Variants in CACNG4 observed in about 807,000 individuals in gnomAD.
CACNG4 encodes the protein calcium voltage-gated channel auxiliary subunit gamma 4.
CACNG4 carries 8 observed loss-of-function variants against 22.9 expected under a neutral mutation model. The ratio of observed to expected loss-of-function variants is 0.35; its 90% CI spans 0.21 to 0.63. The LOEUF is 0.63. Among genes scored for constraint, CACNG4 ranks in the 30% least tolerant of loss-of-function variants. The pLI is 0.72. For missense variants in CACNG4, 357 were observed against 455.4 expected, an observed-to-expected ratio of 0.78 and a Z score of 1.97; for synonymous variants, 188 against 191.9, an observed-to-expected ratio of 0.98 and a Z score of 0.17.
Position 67,009,042 on chromosome 17 carries a change from A to T in CACNG4, c.221-9147A>T, listed in dbSNP as rs189615788. Among the ~76,000 whole-genome samples, 207 of 152,280 alleles carry T rather than the reference A, an allele frequency of 1.4e-3. 3 individuals carry two copies. Among genetic ancestry groups the T allele is most frequent in the Admixed American group, 0.013 (199 of 15,298 alleles). ...GAACTTTGGACATAGACACATGCACACAGAGAGAATATGATATGAAGAGAA... is the reference window on the plus strand; with the variant it reads ...GAACTTTGGACATAGACACATGCACTCAGAGAGAATATGATATGAAGAGAA... On this transcript the variant is annotated intron_variant, in intron 1 of 3. Transcript: ENST00000262138.
intron 1 of CACNG4, among the ~76,000 whole-genome samples, chr17:66,973,285 G>A (rs573290611): frequency 1.4e-4 from 21 of 151,138 alleles, no homozygotes; most frequent in African/African-American, 4.1e-4. Flanking sequence ...TGGGGGAAGC[G>A]ATCCTATCAA....
chr17:67,030,737 G>A lies in CACNG4; in HGVS notation c.717G>A (p.Arg239=), dbSNP rs267605007. 1.9e-6 allele frequency: 3 copies of A among 1,614,172 alleles called. No homozygotes were observed. Among genetic ancestry groups the A allele is most frequent in the Non-Finnish European group, 2.5e-6 (3 of 1,180,030 alleles). Residue 239 remains arginine, a synonymous_variant, in exon 4 of 4, where the codon CGG becomes CGA. Coordinates refer to ENST00000262138, the MANE Select transcript of CACNG4 (RefSeq NM_014405.4). This position sits in a 1 kb window ranked among gnomAD's most constrained non-coding sequence, Gnocchi z 6.4. ...PYARMPSYRY[R]RRRSRSSSRS... The stretch of plus-strand genomic sequence containing the variant: ...CCAGGATGCCGAGCTACAGGTACCG[G>A]CGACGGCGCTCGAGGTCCAGCTCAA...
intron 1 of CACNG4, among the ~76,000 whole-genome samples, chr17:67,000,976 C>T (rs1371796197): frequency 6.6e-6 from 1 of 152,120 alleles, no homozygotes; most frequent in African/African-American, 2.4e-5. Flanking sequence ...GCTGTGTCCC[C>T]ACCCAAATCT....
At position 66,984,602 on chromosome 17, in the gene CACNG4, G is replaced by T. The variant is rs2035294693; in HGVS notation, c.220+19471G>T. 6.6e-6 allele frequency among the ~76,000 whole-genome samples: 1 copy of T among 152,110 alleles called. No individual in the cohort carries two copies. Among genetic ancestry groups the T allele is most frequent in the African/African-American group, 2.4e-5 (1 of 41,396 alleles). ...CTTATTTTTGCACCCAGCCTCTTGGGAACAGGGTTTGACCTTCTGGAGGAG... is the reference window on the plus strand; with the variant it reads ...CTTATTTTTGCACCCAGCCTCTTGGTAACAGGGTTTGACCTTCTGGAGGAG... On this transcript the variant is annotated intron_variant, in intron 1 of 3. Transcript: ENST00000262138. This position sits in a 1 kb window ranked among gnomAD's most constrained non-coding sequence, Gnocchi z 4.0.
intron 1 of CACNG4, among the ~76,000 whole-genome samples, chr17:66,969,691 C>T (rs959596866): frequency 1.3e-5 from 2 of 152,128 alleles, no homozygotes; most frequent in Non-Finnish European, 1.5e-5. Context: ...CCAGCTGCCC[C>T]GAGCCCCGCC....
chr17:67,010,298 A>G (rs897307143), intron 1 of CACNG4, among the ~76,000 whole-genome samples: 3 of 152,142 alleles, frequency 2.0e-5, no homozygotes, highest in Admixed American at 2.0e-4. Context: ...GCATCAGCCA[A>G]TACCCTCAGC....
chr17:67,004,474 C>T (rs1312421010), intron 1 of CACNG4, among the ~76,000 whole-genome samples: 1 of 152,112 alleles, frequency 6.6e-6, no homozygotes, highest in Non-Finnish European at 1.5e-5. Context: ...GGCTGGTGCT[C>T]AGCATCCTCA....
At chr17:66,980,992 G>GA (rs1259764483) in intron 1 of CACNG4, among the ~76,000 whole-genome samples, 15 of 152,228 alleles carry the variant, frequency 9.9e-5, no homozygotes, top group African/African-American at 3.4e-4. Context: ...TAAATAAAAA[G>GA]AAAAAAATCT....
At position 67,031,261 on chromosome 17, in the gene CACNG4, T is replaced by A; in HGVS notation, c.*257T>A. ...TTTTGATGCCTCAGGGTCTCTGAAA[T>A]CTCCCGGGAAGCCCCAGAGCTTTCC... is the stretch of plus-strand genomic sequence containing the variant. On this transcript the variant is annotated 3_prime_UTR_variant, in exon 4 of 4. Coordinates refer to ENST00000262138, the MANE Select transcript of CACNG4 (RefSeq NM_014405.4). The surrounding 1 kb of genome is among the most constrained non-coding windows in gnomAD (Gnocchi z 4.0). 1 of 641,402 alleles carries A rather than the reference T, an allele frequency of 1.6e-6. No homozygotes were observed. The highest frequency in any genetic ancestry group is 2.9e-6 in the Non-Finnish European group (1 of 348,106). 39.7% of individuals were successfully genotyped at this position (641,402 alleles called of 1,614,324 possible). A position where few individuals can be genotyped will look rare whatever the true frequency, so the allele number is the denominator to read the frequency against.
intron 1 of CACNG4, among the ~76,000 whole-genome samples, chr17:66,981,477 C>T (rs1258429588): frequency 1.3e-5 from 2 of 152,172 alleles, no homozygotes; most frequent in African/African-American, 4.8e-5. Flanking sequence ...GGAAATTTAC[C>T]TGGTTTTTTG....
chr17:66,999,932 C>T (rs1287923547), intron 1 of CACNG4, among the ~76,000 whole-genome samples: 3 of 152,192 alleles, frequency 2.0e-5, no homozygotes, highest in African/African-American at 7.2e-5. Flanking sequence ...AGAGAGCCAA[C>T]GCCTCCTCCC....
chr17:66,966,078 G>A (rs1442329909), intron 1 of CACNG4, among the ~76,000 whole-genome samples: 1 of 152,250 alleles, frequency 6.6e-6, no homozygotes, highest in Non-Finnish European at 1.5e-5. Context: ...AGGCTGGAAT[G>A]CTAGGGGACC....
intron 2 of CACNG4, among the ~76,000 whole-genome samples, chr17:67,021,101 T>C (rs1324493428): frequency 6.6e-6 from 1 of 151,818 alleles, no homozygotes; most frequent in Non-Finnish European, 1.5e-5. Context: ...TTCAGGAGGC[T>C]AAGGTGGGCG....
In CACNG4 at chr17:67,030,771, G is replaced by A. The variant is rs370622371; in HGVS notation, c.751G>A (p.Glu251Lys). The A allele has an allele frequency of 5.6e-6, 9 of 1,614,052 alleles. No individual in the cohort carries two copies. Among genetic ancestry groups the A allele is most frequent in the South Asian group, 1.1e-5 (1 of 91,080 alleles). ...RRSRSSSRST[E>K]ASPSRDVSPM... Reference sequence around the variant, plus strand: ...CTCGAGGTCCAGCTCAAGGTCCACCGAGGCCTCGCCCTCCAGGGACGTGTC... The same window carrying A: ...CTCGAGGTCCAGCTCAAGGTCCACCAAGGCCTCGCCCTCCAGGGACGTGTC... Residue 251 changes from glutamate (E) to lysine (K), a missense_variant, in exon 4 of 4, where the codon GAG becomes AAG. By Grantham distance (56) the Glu-to-Lys change is moderately conservative (BLOSUM62 1). This residue lies in a region of CACNG4 where 240 missense variants were observed against 277.6 expected (regional missense o/e 0.86). Transcript: ENST00000262138. This position sits in a 1 kb window ranked among gnomAD's most constrained non-coding sequence, Gnocchi z 6.4.
chr17:67,029,397 C>T lies in CACNG4; in HGVS notation c.446-1069C>T, dbSNP rs373085066. Among the ~76,000 whole-genome samples the T allele has an allele frequency of 6.0e-5, 9 of 150,732 alleles. No individual in the cohort carries two copies. In the East Asian group the frequency reaches 7.9e-4, roughly 13 times the overall value. ...CTGTAATCCCAGCCCTTTGGGAGGC[C>T]GAGGCAGGTGGATCATGAGGCCAGG... On this transcript the variant is annotated intron_variant, in intron 3 of 3. Coordinates refer to ENST00000262138, the MANE Select transcript of CACNG4 (RefSeq NM_014405.4).
At chr17:66,992,708 C>T (rs1184524600) in intron 1 of CACNG4, among the ~76,000 whole-genome samples, 30 of 152,354 alleles carry the variant, frequency 2.0e-4, no homozygotes, top group Admixed American at 1.8e-3. Context: ...GCGTTTGCAC[C>T]GGTTTCTCTG....
chr17:67,017,856 G>T (rs979029421), intron 1 of CACNG4, among the ~76,000 whole-genome samples: 1 of 151,936 alleles, frequency 6.6e-6, no homozygotes, highest in Non-Finnish European at 1.5e-5. Flanking sequence ...GAGTCCCTTG[G>T]GTAGAGGGAT....
In CACNG4 at chr17:66,989,885, T is replaced by A. The variant is rs981131275; in HGVS notation, c.220+24754T>A. On this transcript the variant is annotated intron_variant, in intron 1 of 3. Coordinates refer to ENST00000262138, the MANE Select transcript of CACNG4 (RefSeq NM_014405.4). ...ATGAAACACTTTTGTCGAAGCAACA[T>A]GAAAATTTTTTCTTTCTTTCTGGGT... Among the ~76,000 whole-genome samples, 3 of 151,950 alleles carry A rather than the reference T, an allele frequency of 2.0e-5. 1 individual carries two copies. The highest frequency in any genetic ancestry group is 2.9e-5 in the Non-Finnish European group (2 of 68,022).
intron 1 of CACNG4, among the ~76,000 whole-genome samples, chr17:66,981,855 A>G (rs7214780): frequency 0.077 from 11,770 of 152,316 alleles, 631 homozygotes; most frequent in East Asian, 0.22. Context: ...TGTAACAGCT[A>G]TAATTTCACA....
Sources: gnomAD v4.1 joint callset for allele counts (sites outside exome capture counted in the v4.1 genomes callset) on GRCh38, gnomAD v4.1.1 for gene constraint, gnomAD v4.1.1 regional missense constraint, Gnocchi (gnomAD v3.1) non-coding constraint, MANE v1.5 for transcripts, NCBI Gene and HGNC (gene_info 2026-07-23, HGNC 2026-07-21) for gene names.